RIMBP2: variants seen among roughly 807,000 people sequenced by gnomAD.
RIMBP2 encodes the protein RIMS binding protein 2.
Under a neutral mutation model 118.6 loss-of-function variants are expected in RIMBP2, and 48 were observed. That is an observed-to-expected ratio of 0.40 (90% CI 0.32 to 0.51). RIMBP2 has a LOEUF of 0.51. Ranked by LOEUF, RIMBP2 falls within the 20% of genes least tolerant of loss-of-function variation. The pLI is 0.41. For synonymous variants in RIMBP2, 762 were observed against 742.9 expected, an observed-to-expected ratio of 1.03 and a Z score of -0.42; for missense variants, 1,551 against 1,768.3, an observed-to-expected ratio of 0.88 and a Z score of 2.20.
rs533493437 is a variant in RIMBP2 at position 130,581,364 on chromosome 12, A to T, written c.-217+46958T>A. Among the ~76,000 whole-genome samples, 1 of 152,304 alleles carries T rather than the reference A, an allele frequency of 6.6e-6. No individual in the cohort carries two copies. Among genetic ancestry groups the T allele is most frequent in the Admixed American group, 6.5e-5 (1 of 15,304 alleles). Reference sequence around the variant, plus strand: ...TGGTTTCCAACCTTACTCTCAGATCACTGCTGTCTTAAGAGTTGATTTTAC... The same window carrying T: ...TGGTTTCCAACCTTACTCTCAGATCTCTGCTGTCTTAAGAGTTGATTTTAC... On this transcript the variant is annotated intron_variant, in intron 2 of 22. Transcript: ENST00000690449. The surrounding 1 kb of genome is among the most constrained non-coding windows in gnomAD (Gnocchi z 4.4).
rs2081332579 is a variant in RIMBP2 at position 130,475,223 on chromosome 12, C to T, written c.102+3689G>A. On this transcript the variant is annotated intron_variant, in intron 5 of 22. Transcript: ENST00000690449. This position sits in a 1 kb window ranked among gnomAD's most constrained non-coding sequence, Gnocchi z 4.1. ...TTCTCCGATTTAACAAATGCTTTCC[C>T]TTTCACATGATCTTACGTGCTTCTC... is the stretch of plus-strand genomic sequence containing the variant. Among the ~76,000 whole-genome samples the T allele has an allele frequency of 6.6e-6, 1 of 152,236 alleles. No individual in the cohort carries two copies. The highest frequency in any genetic ancestry group is 2.1e-4 in the South Asian group (1 of 4,830).
At chr12:130,654,484 A>G (rs2063346477) in intron 1 of RIMBP2, among the ~76,000 whole-genome samples, 1 of 152,164 alleles carries the variant, frequency 6.6e-6, no homozygotes, top group Non-Finnish European at 1.5e-5. Flanking sequence ...CCAAATCACT[A>G]TTGGCATTTT....
rs1397307496 is a variant in RIMBP2, at chr12:130,437,279, T to C, written c.1669A>G (p.Ile557Val). Reference sequence around the variant, plus strand: ...GCCGTGCTGTCTGCCGTGGGGAAGATGACTTCAGCCACCTGTGGACAAGCA... The same window carrying C: ...GCCGTGCTGTCTGCCGTGGGGAAGACGACTTCAGCCACCTGTGGACAAGCA... ...YAKGQRVAEV[I>V]FPTADSTAVE... The change falls in exon 13 of 23, where the codon ATC becomes GTC. Residue 557 changes from isoleucine (I) to valine (V), a missense_variant. Transcript: ENST00000690449. The C allele has an allele frequency of 1.3e-6, 2 of 1,578,016 alleles. No homozygotes were observed. Among genetic ancestry groups the C allele is most frequent in the Admixed American group, 3.5e-5 (2 of 57,064 alleles).
intron 6 of RIMBP2, chr12:130,466,217 G>A (rs1219315136): frequency 6.6e-6 from 1 of 152,168 alleles, no homozygotes; most frequent in Non-Finnish European, 1.5e-5. Flanking sequence ...TTGATAGGAC[G>A]CTAAGTGCCA....
At chr12:130,488,740 T>C (rs1005679089) in intron 4 of RIMBP2, among the ~76,000 whole-genome samples, 2 of 151,944 alleles carry the variant, frequency 1.3e-5, no homozygotes, top group African/African-American at 4.8e-5. Context: ...GCTCACTGCC[T>C]CAGGGAGGAT....
intron 17 of RIMBP2, among the ~76,000 whole-genome samples, chr12:130,416,163 A>G (rs1203014703): frequency 1.3e-5 from 2 of 152,266 alleles, no homozygotes; most frequent in Non-Finnish European, 2.9e-5. Context: ...TGCAACCTAC[A>G]GATTCAATGC....
chr12:130,475,965 G>A lies in RIMBP2; in HGVS notation c.102+2947C>T, dbSNP rs1461984840. ...GGCACAGTGGCATCGTCTGGCTTCC[G>A]GGTCTAAACCCGGGAGTTACCACGC... On this transcript the variant is annotated intron_variant, in intron 5 of 22. Transcript: ENST00000690449. This position sits in a 1 kb window ranked among gnomAD's most constrained non-coding sequence, Gnocchi z 4.1. 3.3e-5 allele frequency among the ~76,000 whole-genome samples: 5 copies of A among 152,020 alleles called. No homozygotes were observed. Among genetic ancestry groups the A allele is most frequent in the Non-Finnish European group, 5.9e-5 (4 of 68,020 alleles).
At chr12:130,464,269 C>A (rs2080259768) in intron 6 of RIMBP2, among the ~76,000 whole-genome samples, 1 of 152,210 alleles carries the variant, frequency 6.6e-6, no homozygotes, top group South Asian at 2.1e-4. Context: ...ATCCAAGAAC[C>A]CTCTCTTGGG....
chr12:130,439,513 G>C (rs2077875539), intron 11 of RIMBP2, among the ~76,000 whole-genome samples: 1 of 147,842 alleles, frequency 6.8e-6, no homozygotes, highest in Non-Finnish European at 1.5e-5. Context: ...CTGTGGGTGG[G>C]TATGTGTGGG....
intron 2 of RIMBP2, among the ~76,000 whole-genome samples, chr12:130,575,727 TGAA>T (rs1312498987): frequency 6.6e-6 from 1 of 152,174 alleles, no homozygotes; most frequent in Non-Finnish European, 1.5e-5. Flanking sequence ...GGATGGAGGA[TGAA>T]GGAGACAGAG....
intron 2 of RIMBP2, among the ~76,000 whole-genome samples, chr12:130,548,821 G>C (rs2055432415): frequency 6.6e-6 from 1 of 151,296 alleles, no homozygotes; most frequent in African/African-American, 2.4e-5. Flanking sequence ...GTCCCATGGG[G>C]TCCCCATGGG....
intron 2 of RIMBP2, among the ~76,000 whole-genome samples, chr12:130,605,678 A>G (rs1481176310): frequency 6.6e-6 from 1 of 152,228 alleles, no homozygotes; most frequent in Non-Finnish European, 1.5e-5. Context: ...AAATATGACA[A>G]TGCTGTTACA....
At chr12:130,462,915 T>G (rs2080132159) in intron 6 of RIMBP2, among the ~76,000 whole-genome samples, 1 of 152,154 alleles carries the variant, frequency 6.6e-6, no homozygotes. Context: ...GGGCACAGCC[T>G]CCCCCACCTC....
chr12:130,695,888 G>A (rs1317565284), intron 1 of RIMBP2, among the ~76,000 whole-genome samples: 1 of 151,842 alleles, frequency 6.6e-6, no homozygotes, highest in Non-Finnish European at 1.5e-5. Flanking sequence ...GAGGAGTCAT[G>A]GTTGATCCCA....
At chr12:130,645,994 C>G (rs771310874) in intron 1 of RIMBP2, among the ~76,000 whole-genome samples, 1 of 152,114 alleles carries the variant, frequency 6.6e-6, no homozygotes, top group Non-Finnish European at 1.5e-5. Flanking sequence ...GGGAACAACA[C>G]TTTGCGTTTC....
At chr12:130,584,260 C>CCATCA (rs2058695485) in intron 2 of RIMBP2, among the ~76,000 whole-genome samples, 1 of 87,970 alleles carries the variant, frequency 1.1e-5, no homozygotes, top group African/African-American at 4.0e-5. Context: ...CACCTCACCA[C>CCATCA]CATCACCACC....
intron 7 of RIMBP2, among the ~76,000 whole-genome samples, chr12:130,453,673 A>T (rs1404352506): frequency 6.6e-6 from 1 of 152,192 alleles, no homozygotes; most frequent in Non-Finnish European, 1.5e-5. Flanking sequence ...AGTGGTTTCC[A>T]GGGGCCGGGC....
chr12:130,447,911 G>C lies in RIMBP2; in HGVS notation c.581+2289C>G, dbSNP rs1479996702. 6.6e-6 allele frequency among the ~76,000 whole-genome samples: 1 copy of C among 152,170 alleles called. No individual in the cohort carries two copies. The highest frequency in any genetic ancestry group is 1.5e-5 in the Non-Finnish European group (1 of 68,036). ...GTGAGCAAGAGGCTTTCGGTTTGCA[G>C]AAATGTCTAAGCAGGTTGCTGAATA... On this transcript the variant is annotated intron_variant, in intron 9 of 22. Transcript: ENST00000690449. This position sits in a 1 kb window ranked among gnomAD's most constrained non-coding sequence, Gnocchi z 4.4.
chr12:130,431,334 G>T lies in RIMBP2; in HGVS notation c.2254-2997C>A. 3.3e-6 allele frequency: 1 copy of T among 305,384 alleles called. No homozygotes were observed. The highest frequency in any genetic ancestry group is 7.1e-6 in the Non-Finnish European group (1 of 140,116). 18.9% of individuals were successfully genotyped at this position (305,384 alleles called of 1,614,324 possible). A position where few individuals can be genotyped will look rare whatever the true frequency, so the allele number is the denominator to read the frequency against. On this transcript the variant is annotated intron_variant, in intron 14 of 22. Coordinates refer to ENST00000690449, the MANE Select transcript of RIMBP2 (RefSeq NM_001393629.1). This position sits in a 1 kb window ranked among gnomAD's most constrained non-coding sequence, Gnocchi z 4.0. ...TCATGTGACGGGGCGGGCAGCATGGGGAAGCGGATGGTCAGGGAACACTTC... is the reference window on the plus strand; with the variant it reads ...TCATGTGACGGGGCGGGCAGCATGGTGAAGCGGATGGTCAGGGAACACTTC...
Sources: allele counts gnomAD v4.1 joint callset (sites outside exome capture counted in the v4.1 genomes callset), GRCh38; gene constraint gnomAD v4.1.1; non-coding constraint Gnocchi (gnomAD v3.1); transcripts MANE v1.5; gene names NCBI Gene and HGNC (gene_info 2026-07-23, HGNC 2026-07-21).